The following RAD51B variants were observed in gnomAD, a reference collection of about 807,000 sequenced individuals.
RAD51B encodes RAD51 paralog B, also known as DNA repair protein RAD51 homolog 2.
In RAD51B, 38 loss-of-function variants were observed where a neutral mutation model predicts 42.2. The ratio of observed to expected loss-of-function variants is 0.90; its 90% CI spans 0.70 to 1.18. RAD51B has a LOEUF of 1.18. Ranked by LOEUF, RAD51B falls within the 50% of genes most tolerant of loss-of-function variation. The probability of loss-of-function intolerance (pLI) is 0.00; values close to 1 mark genes in which losing one functional copy is unlikely to be tolerated. For synonymous variants in RAD51B, 154 were observed against 145.2 expected (o/e 1.06, Z -0.43); for missense variants, 373 against 400.7 (o/e 0.93, Z 0.59).
chr14:68,660,612 T>G (rs1892913033), intron 11 of RAD51B, among the ~76,000 whole-genome samples: 1 of 152,172 alleles, frequency 6.6e-6, no homozygotes, highest in South Asian at 2.1e-4. Flanking sequence ...CAGACACTGC[T>G]CCTGCCCTCA....
intron 10 of RAD51B, among the ~76,000 whole-genome samples, chr14:68,632,788 G>A (rs1010968070): frequency 2.6e-5 from 4 of 151,930 alleles, no homozygotes; most frequent in Admixed American, 1.3e-4. Flanking sequence ...GGGTCTTTAT[G>A]TTTTACAGTC....
chr14:68,465,985 A>AATAC (rs1488832562), intron 9 of RAD51B, among the ~76,000 whole-genome samples: 1 of 151,230 alleles, frequency 6.6e-6, no homozygotes, highest in African/African-American at 2.4e-5. Flanking sequence ...TAAATAAATA[A>AATAC]ATAAATAAAT....
At chr14:68,501,936 C>T (rs1328719572) in intron 10 of RAD51B, among the ~76,000 whole-genome samples, 1 of 152,266 alleles carries the variant, frequency 6.6e-6, no homozygotes, top group Non-Finnish European at 1.5e-5. Flanking sequence ...CCGAGTGTTC[C>T]TCTTCACAGA....
At chr14:68,194,871 A>G (rs576684936) in intron 7 of RAD51B, among the ~76,000 whole-genome samples, 4 of 152,342 alleles carry the variant, frequency 2.6e-5, no homozygotes, top group African/African-American at 7.2e-5. Flanking sequence ...GTAAGTGGCA[A>G]CTTAGAAGAA....
At chr14:67,964,819 T>C (rs1021098233) in intron 7 of RAD51B, among the ~76,000 whole-genome samples, 2 of 152,340 alleles carry the variant, frequency 1.3e-5, no homozygotes, top group African/African-American at 4.8e-5. Flanking sequence ...CTCTTAGTAA[T>C]GGACCTTCTT....
intron 9 of RAD51B, among the ~76,000 whole-genome samples, chr14:68,445,735 A>G (rs932917793): frequency 6.6e-6 from 1 of 152,320 alleles, no homozygotes; most frequent in East Asian, 1.9e-4. Context: ...CTGGGTCTTG[A>G]TGAGTTTCAA....
intron 8 of RAD51B, among the ~76,000 whole-genome samples, chr14:68,306,950 A>G (rs781528413): frequency 3.9e-5 from 6 of 152,174 alleles, no homozygotes; most frequent in Non-Finnish European, 8.8e-5. Context: ...AGTGCAGATG[A>G]GAAAGGAAAT....
At chr14:68,484,359 C>CTTTTTTT (rs10665607) in intron 10 of RAD51B, among the ~76,000 whole-genome samples, 42 of 130,164 alleles carry the variant, frequency 3.2e-4, no homozygotes, top group African/African-American at 5.4e-4. Flanking sequence ...CTTTCTTTTT[C>CTTTTTTT]TTTTTTTTTT....
At chr14:68,408,959 A>G (rs1366803156) in intron 8 of RAD51B, among the ~76,000 whole-genome samples, 3 of 152,030 alleles carry the variant, frequency 2.0e-5, no homozygotes, top group African/African-American at 7.3e-5. Context: ...CAGTTACTAA[A>G]TCTATAGAGA....
intron 10 of RAD51B, chr14:68,469,045 A>T (rs1429405199): frequency 2.1e-6 from 1 of 467,208 alleles, no homozygotes; most frequent in East Asian, 5.7e-5. Flanking sequence ...TGGATGAGGA[A>T]GGATCTGCAC....
chr14:68,638,033 C>T (rs1892376648), intron 10 of RAD51B, among the ~76,000 whole-genome samples: 1 of 152,240 alleles, frequency 6.6e-6, no homozygotes, highest in South Asian at 2.1e-4. Flanking sequence ...CAGCTTTTCT[C>T]CTGGCTAGTT....
intron 7 of RAD51B, 115 bp downstream of exon 7, chr14:67,887,319 CTT>C: frequency 1.1e-6 from 1 of 936,352 alleles, no homozygotes; most frequent in Non-Finnish European, 1.6e-6. Context: ...AAACAGATGA[CTT>C]TTTAAAGGTA....
intron 3 of RAD51B, among the ~76,000 whole-genome samples, chr14:67,828,404 C>T (rs368383711): frequency 2.3e-4 from 35 of 151,534 alleles, no homozygotes; most frequent in African/African-American, 7.5e-4. Context: ...AGACCTTTGT[C>T]GGATGGATAG....
Position 68,627,922 on chromosome 14 carries a change from T to TAAAA in RAD51B, c.1037-22859_1037-22858insAAAA, listed in dbSNP as rs760641727. On this transcript the variant is annotated intron_variant, in intron 10 of 11. Coordinates refer to the RAD51B transcript ENST00000488612. The stretch of plus-strand genomic sequence containing the variant: ...GTATTTAGCTATTCAGTTATTTTTT[T>TAAAA]TTAAATAAACACCATCCAGTCAGCC... 6.9e-3 allele frequency among the ~76,000 whole-genome samples: 183 copies of TAAAA among 26,374 alleles called. No homozygotes were observed. In the East Asian group the frequency reaches 0.24, roughly 35 times the overall value. 17.3% of individuals were successfully genotyped at this position (26,374 alleles called of 152,430 possible).
At chr14:68,486,560 CTT>C (rs1290378471) in intron 10 of RAD51B, among the ~76,000 whole-genome samples, 1 of 152,200 alleles carries the variant, frequency 6.6e-6, no homozygotes, top group Non-Finnish European at 1.5e-5. Flanking sequence ...AACGACCTAT[CTT>C]TGTGTCAATA....
chr14:68,098,670 G>A (rs7153978), intron 7 of RAD51B, among the ~76,000 whole-genome samples: 15,763 of 152,234 alleles, frequency 0.1, 2,475 homozygotes, highest in African/African-American at 0.34. Context: ...AATGGATTCA[G>A]ATTATCTCCC....
intron 7 of RAD51B, among the ~76,000 whole-genome samples, chr14:68,196,585 A>C (rs1220235565): frequency 6.6e-6 from 1 of 152,096 alleles, no homozygotes; most frequent in Non-Finnish European, 1.5e-5. Context: ...TCCTTTAAGA[A>C]AATTAGATCT....
intron 10 of RAD51B, among the ~76,000 whole-genome samples, chr14:68,634,055 A>C (rs1442801045): frequency 6.6e-6 from 1 of 152,220 alleles, no homozygotes; most frequent in Admixed American, 6.5e-5. Flanking sequence ...TCCTGTCTGC[A>C]TCAAGAATCT....
exon 11 of RAD51B, chr14:68,611,517 A>G (rs1595026978): frequency 2.0e-6 from 1 of 493,494 alleles, no homozygotes; most frequent in African/African-American, 1.9e-5. Flanking sequence ...CAGCATCTCT[A>G]TTGTAAAAGG....
Sources: allele counts gnomAD v4.1 joint callset (sites outside exome capture counted in the v4.1 genomes callset), GRCh38; gene constraint gnomAD v4.1.1; transcripts MANE v1.5; gene names NCBI Gene and HGNC (gene_info 2026-07-23, HGNC 2026-07-21).